Variants in UNC5B observed in about 807,000 individuals in gnomAD.
The protein encoded by UNC5B is unc-5 netrin receptor B, also known as netrin receptor UNC5B.
In UNC5B, 56 loss-of-function variants were observed where a neutral mutation model predicts 103.7. That is an observed-to-expected ratio of 0.54 (90% CI 0.44 to 0.67). UNC5B has a LOEUF of 0.67. Among genes scored for constraint, UNC5B ranks in the 30% least tolerant of loss-of-function variants. The pLI, the probability that UNC5B is intolerant of heterozygous loss-of-function variation, is 0.00. For synonymous variants in UNC5B, 577 were observed against 542.0 expected, an observed-to-expected ratio of 1.06 and a Z score of -0.90; for missense variants, 1,194 against 1,284.5, an observed-to-expected ratio of 0.93 and a Z score of 1.08.
chr10:71,253,953 A>G (rs1392579249), intron 1 of UNC5B, among the ~76,000 whole-genome samples: 7 of 152,050 alleles, frequency 4.6e-5, no homozygotes, highest in African/African-American at 1.7e-4. Context: ...TGCTCACTAT[A>G]TCATGTCAAC....
chr10:71,228,580 A>C (rs1337857014), intron 1 of UNC5B, among the ~76,000 whole-genome samples: 3 of 152,262 alleles, frequency 2.0e-5, no homozygotes, highest in Non-Finnish European at 4.4e-5. Context: ...GACAATGCAC[A>C]AAATAAAATA....
chr10:71,233,385 G>T lies in UNC5B; in HGVS notation c.79+20321G>T, dbSNP rs551911364. Among the ~76,000 whole-genome samples, 151 of 152,290 alleles carry T rather than the reference G, an allele frequency of 9.9e-4. 1 individual carries two copies. The highest frequency in any genetic ancestry group is 3.5e-3 in the African/African-American group (147 of 41,544). On this transcript the variant is annotated intron_variant, in intron 1 of 16. Transcript: ENST00000335350. ...ATATTGAGCCAACCAATGCTGAGCCGCATCCCTAGCCTCTGAATAAATAAA... is the reference window on the plus strand; with the variant it reads ...ATATTGAGCCAACCAATGCTGAGCCTCATCCCTAGCCTCTGAATAAATAAA...
Position 71,279,924 on chromosome 10 carries a change from G to A in UNC5B, c.183G>A (p.Lys61=), listed in dbSNP as rs1358700862. ...LQEPQDAYIV[K]NKPVELRCRA... is the part of the protein sequence containing the mutation. ...AGCCACAGGACGCCTACATTGTGAA[G>A]AACAAGCCTGTGGAGCTCCGCTGCC... Residue 61 remains lysine, a synonymous_variant, in exon 2 of 17, where the codon AAG becomes AAA. Coordinates refer to ENST00000335350, the MANE Select transcript of UNC5B (RefSeq NM_170744.5). 6.2e-7 allele frequency: 1 copy of A among 1,613,960 alleles called. No individual in the cohort carries two copies. Among genetic ancestry groups the A allele is most frequent in the Admixed American group, 1.7e-5 (1 of 60,034 alleles).
chr10:71,236,799 G>A (rs1405004321), intron 1 of UNC5B, among the ~76,000 whole-genome samples: 1 of 152,208 alleles, frequency 6.6e-6, no homozygotes, highest in African/African-American at 2.4e-5. Flanking sequence ...GAGGCCAGAG[G>A]GACCCTGGTC....
chr10:71,284,762 AGGTGGAGGAGCTC>A lies in UNC5B; in HGVS notation c.348_360del (p.Gln116HisfsTer126), dbSNP rs2132303231. The A allele has an allele frequency of 6.4e-7, 1 of 1,550,732 alleles. No individual in the cohort carries two copies. The highest frequency in any genetic ancestry group is 8.7e-7 in the Non-Finnish European group (1 of 1,150,230). ...GTGCAGATCGAGGTGTCGCGGCAGCAGGTGGAGGAGCTCTTTGGGCTGGAGGATTACTGGTGCC... is the reference window on the plus strand; with the variant it reads ...GTGCAGATCGAGGTGTCGCGGCAGCATTTGGGCTGGAGGATTACTGGTGCC... On this transcript the variant is annotated frameshift_variant, in exon 3 of 17. Coordinates refer to ENST00000335350, the MANE Select transcript of UNC5B (RefSeq NM_170744.5). LOFTEE classifies it high-confidence loss of function.
intron 1 of UNC5B, among the ~76,000 whole-genome samples, chr10:71,245,343 C>T (rs1844004766): frequency 6.6e-6 from 1 of 152,190 alleles, no homozygotes; most frequent in Non-Finnish European, 1.5e-5. Context: ...GTATTCGCAC[C>T]TACATTCGCG....
rs778711982 is a variant in UNC5B at position 71,291,024 on chromosome 10, C to T, written c.1209C>T (p.Cys403=). The part of the protein sequence containing the change: ...AVGVVVYRRN[C]RDFDTDITDS... ...GGGTGGTGGTGTACCGCCGCAACTG[C>T]CGTGACTTCGACACAGACATCACTG... Residue 403 remains cysteine (C), a synonymous_variant, in exon 9 of 17, where the codon TGC becomes TGT. Coordinates refer to ENST00000335350, the MANE Select transcript of UNC5B (RefSeq NM_170744.5). 1.9e-6 allele frequency: 3 copies of T among 1,614,142 alleles called. No homozygotes were observed. The highest frequency in any genetic ancestry group is 1.7e-6 in the Non-Finnish European group (2 of 1,180,014).
chr10:71,293,548 C>T lies in UNC5B; in HGVS notation c.1916C>T (p.Thr639Ile). ...SARDWIFQLKTQAHQGHWEEV... is the reference protein window; with the variant it reads ...SARDWIFQLKIQAHQGHWEEV... ...CGTGACTGGATCTTTCAGCTCAAGA[C>T]CCAGGCCCACCAGGGCCACTGGGAG... is the stretch of plus-strand genomic sequence containing the variant. The change falls in exon 12 of 17, where the codon ACC becomes ATC. Residue 639 changes from threonine (T) to isoleucine (I), a missense_variant. Transcript: ENST00000335350. The T allele has an allele frequency of 5.6e-6, 9 of 1,613,920 alleles. No individual in the cohort carries two copies. The highest frequency in any genetic ancestry group is 4.4e-5 in the South Asian group (4 of 91,090).
At chr10:71,232,148 C>T (rs1843696093) in intron 1 of UNC5B, among the ~76,000 whole-genome samples, 1 of 152,210 alleles carries the variant, frequency 6.6e-6, no homozygotes, top group South Asian at 2.1e-4. Context: ...AGCCTTGTGG[C>T]CCATCTCCGA....
At chr10:71,283,370 T>G (rs1844980805) in intron 2 of UNC5B, among the ~76,000 whole-genome samples, 1 of 152,204 alleles carries the variant, frequency 6.6e-6, no homozygotes, top group Non-Finnish European at 1.5e-5. Flanking sequence ...TGTCTAGAGT[T>G]TACCTTGAGA....
In UNC5B at chr10:71,296,672, C is replaced by T; in HGVS notation, c.2420C>T (p.Thr807Ile). Residue 807 changes from threonine to isoleucine, a missense_variant, in exon 15 of 17, where the codon ACC becomes ATC. Thr to Ile is a moderately conservative substitution (Grantham distance 89, BLOSUM62 -1). Coordinates refer to ENST00000335350, the MANE Select transcript of UNC5B (RefSeq NM_170744.5). ...CACAGCTTGGCCTCCACAGAGCTCA[C>T]CTGCAAGATCTGCGTGCGGCAAGTG... ...ERHSLASTEL[T>I]CKICVRQVEG... The T allele has an allele frequency of 6.2e-7, 1 of 1,614,178 alleles. No homozygotes were observed. Among genetic ancestry groups the T allele is most frequent in the South Asian group, 1.1e-5 (1 of 91,090 alleles).
chr10:71,217,274 A>G (rs1402666206), intron 1 of UNC5B: 1 of 152,698 alleles, frequency 6.5e-6, no homozygotes, highest in Non-Finnish European at 1.5e-5. Flanking sequence ...AAATACCGTA[A>G]TTAGAATAAT....
intron 1 of UNC5B, among the ~76,000 whole-genome samples, chr10:71,261,796 T>C (rs1844421202): frequency 6.6e-6 from 1 of 152,110 alleles, no homozygotes; most frequent in Non-Finnish European, 1.5e-5. Flanking sequence ...CACTGAACCT[T>C]GGTTAGTAAA....
Position 71,293,843 on chromosome 10 carries a change from C to G in UNC5B, c.2085C>G (p.Leu695=), listed in dbSNP as rs1443686446. The change falls in exon 13 of 17, where the codon CTC becomes CTG. Residue 695 remains leucine, a synonymous_variant. Transcript: ENST00000335350. ...ATTCCCGCTCAGCAGTCAAGCGGCT[C>G]CAGCTGGCCGTCTTCGCCCCCGCCC... ...ESYSRSAVKR[L]QLAVFAPALC... is the part of the protein sequence containing the mutation. The G allele has an allele frequency of 3.7e-6, 6 of 1,611,124 alleles. No homozygotes were observed. The highest frequency in any genetic ancestry group is 1.7e-6 in the Non-Finnish European group (2 of 1,179,688).
intron 1 of UNC5B, among the ~76,000 whole-genome samples, chr10:71,254,820 C>T (rs964546795): frequency 1.3e-5 from 2 of 152,220 alleles, no homozygotes; most frequent in Non-Finnish European, 2.9e-5. Flanking sequence ...TTAGAAACAA[C>T]ACCAGGCACT....
intron 1 of UNC5B, among the ~76,000 whole-genome samples, chr10:71,235,080 C>T (rs1368768435): frequency 1.4e-5 from 2 of 144,290 alleles, no homozygotes; most frequent in East Asian, 2.1e-4. Flanking sequence ...GACTCGCTGC[C>T]GCTGCCTCTG....
intron 15 of UNC5B, among the ~76,000 whole-genome samples, chr10:71,297,705 C>A (rs1027869771): frequency 6.6e-6 from 1 of 152,252 alleles, no homozygotes; most frequent in Non-Finnish European, 1.5e-5. Context: ...TGGTGCACCC[C>A]CTGAGGCCTG....
Position 71,293,910 on chromosome 10 carries a change from G to T in UNC5B, c.2152G>T (p.Glu718Ter). The change falls in exon 13 of 17, where the codon GAG becomes TAG. Residue 718 changes from glutamate (E) to a stop codon, truncating the protein, a stop_gained. Coordinates refer to ENST00000335350, the MANE Select transcript of UNC5B (RefSeq NM_170744.5). LOFTEE classifies it high-confidence loss of function. ...LEYSLRVYCL[E>*]DTPVALKEVL... is the part of the protein sequence containing the mutation. Reference sequence around the variant, plus strand: ...GTACAGCCTCCGGGTCTACTGCCTGGAGGACACGCCTGTAGCACTGAAGGT... The same window carrying T: ...GTACAGCCTCCGGGTCTACTGCCTGTAGGACACGCCTGTAGCACTGAAGGT... The T allele has an allele frequency of 6.2e-7, 1 of 1,603,156 alleles. No homozygotes were observed.
chr10:71,213,878 C>G lies in UNC5B; in HGVS notation c.79+814C>G, dbSNP rs1843282876. ...CGCTCTCCTTGGTACAGCGCCCGCT[C>G]TGGACCCACCAAGATGACTTCAGCG... On this transcript the variant is annotated intron_variant, in intron 1 of 16. Coordinates refer to ENST00000335350, the MANE Select transcript of UNC5B (RefSeq NM_170744.5). This position sits in a 1 kb window ranked among gnomAD's most constrained non-coding sequence, Gnocchi z 4.1. Among the ~76,000 whole-genome samples, 2 of 151,882 alleles carry G rather than the reference C, an allele frequency of 1.3e-5. No individual in the cohort carries two copies. The highest frequency in any genetic ancestry group is 4.8e-5 in the African/African-American group (2 of 41,318).
Sources: gnomAD v4.1 joint callset for allele counts (sites outside exome capture counted in the v4.1 genomes callset) on GRCh38, gnomAD v4.1.1 for gene constraint, Gnocchi (gnomAD v3.1) non-coding constraint, MANE v1.5 for transcripts, NCBI Gene and HGNC (gene_info 2026-07-23, HGNC 2026-07-21) for gene names.